PPP2R5D: variants seen among roughly 807,000 people sequenced by gnomAD.
PPP2R5D encodes protein phosphatase 2 regulatory subunit B'delta.
A neutral mutation model predicts 79.1 loss-of-function variants in PPP2R5D; 12 were observed. The observed-to-expected ratio is 0.15, with a 90% CI of 0.10 to 0.25. The LOEUF (loss-of-function observed/expected upper bound fraction) is 0.25. Among genes scored for constraint, PPP2R5D ranks in the 10% least tolerant of loss-of-function variants. PPP2R5D has a pLI of 1.00. For synonymous variants in PPP2R5D, 277 were observed against 286.6 expected, an observed-to-expected ratio of 0.97 and a Z score of 0.34; for missense variants, 419 against 760.2, an observed-to-expected ratio of 0.55 and a Z score of 5.28.
intron 2 of PPP2R5D, among the ~76,000 whole-genome samples, chr6:42,999,419 CCAGGGCAGCTCAGTGGGGTAGGGGG>C (rs1244076932): frequency 6.6e-6 from 1 of 152,180 alleles, no homozygotes; most frequent in African/African-American, 2.4e-5. Context: ...TCCTTATAAA[CCAGGGCAGCTCAGTGGGGTAGGGGG>C]CAGGGCAGAC....
intron 2 of PPP2R5D, among the ~76,000 whole-genome samples, chr6:43,004,468 C>G (rs147758542): frequency 6.6e-6 from 1 of 151,870 alleles, no homozygotes; most frequent in Non-Finnish European, 1.5e-5. Flanking sequence ...GAATGCAACT[C>G]TTAGCTCTTT....
chr6:42,989,659 A>C lies in PPP2R5D; in HGVS notation c.76A>C (p.Lys26Gln), dbSNP rs2150251166. The C allele has an allele frequency of 1.2e-6, 2 of 1,614,024 alleles. No individual in the cohort carries two copies. The highest frequency in any genetic ancestry group is 1.7e-6 in the Non-Finnish European group (2 of 1,179,920). Residue 26 changes from lysine (K) to glutamine (Q), a missense_variant, in exon 2 of 16, where the codon AAG becomes CAG. Lys to Gln is a moderately conservative substitution (Grantham distance 53, BLOSUM62 1). Transcript: ENST00000485511. ...CACAGCCAAGCCTAGCAGCTCGGGC[A>C]AGGATGGTGGAGGCGAGAACACTGA... ...KCTAKPSSSGKDGGGENTEEA... is the reference protein window; with the variant it reads ...KCTAKPSSSGQDGGGENTEEA...
intron 2 of PPP2R5D, among the ~76,000 whole-genome samples, chr6:43,004,618 CCATG>C (rs1761962189): frequency 7.0e-6 from 1 of 143,304 alleles, no homozygotes; most frequent in East Asian, 2.0e-4. Context: ...TGACTTTCTA[CCATG>C]GAAAATAAGT....
chr6:42,998,064 T>TA, intron 2 of PPP2R5D, among the ~76,000 whole-genome samples: 1 of 33,600 alleles, frequency 3.0e-5, no homozygotes, highest in Non-Finnish European at 5.6e-5. Context: ...TATATTTTTT[T>TA]TTTTTTTTTT....
chr6:42,998,067 T>A (rs1349338895), intron 2 of PPP2R5D, among the ~76,000 whole-genome samples: 7 of 43,440 alleles, frequency 1.6e-4, no homozygotes, highest in African/African-American at 2.0e-4. Context: ...ATTTTTTTTT[T>A]TTTTTTTTTT....
chr6:43,010,606 A>G lies in PPP2R5D; in HGVS notation c.1481+37A>G. On this transcript the variant is annotated intron_variant, in intron 13 of 15. Coordinates refer to ENST00000485511, the MANE Select transcript of PPP2R5D (RefSeq NM_006245.4). The surrounding 1 kb of genome is among the most constrained non-coding windows in gnomAD (Gnocchi z 4.7). ...TCTCCCCGGGAGACTTTCATCTTCT[A>G]CCACCAGCTCACTGTGTTTCTCTCA... 6.2e-7 allele frequency: 1 copy of G among 1,612,840 alleles called. No individual in the cohort carries two copies. The highest frequency in any genetic ancestry group is 8.5e-7 in the Non-Finnish European group (1 of 1,178,844).
chr6:43,007,519 G>A lies in PPP2R5D; in HGVS notation c.726+13G>A, dbSNP rs562472716. On this transcript the variant is annotated intron_variant, in intron 6 of 15. Transcript: ENST00000485511. The surrounding 1 kb of genome is among the most constrained non-coding windows in gnomAD (Gnocchi z 4.5). ...GTTTGTACTTGCTGTGAGTCCCCGAGTTCCTGTCCTTGCCCTCTCTTTCCA... is the reference window on the plus strand; with the variant it reads ...GTTTGTACTTGCTGTGAGTCCCCGAATTCCTGTCCTTGCCCTCTCTTTCCA... 5.7e-6 allele frequency: 9 copies of A among 1,588,184 alleles called. No individual in the cohort carries two copies. Among genetic ancestry groups the A allele is most frequent in the Non-Finnish European group, 7.8e-6 (9 of 1,156,620 alleles).
In PPP2R5D at chr6:43,006,955, C is replaced by T; in HGVS notation, c.367C>T (p.Arg123Cys). ...GGAGGAGCTGTTTATCCAGAAGCTA[C>T]GCCAGTGCTGTGTCCTCTTTGACTT... ...EREELFIQKL[R>C]QCCVLFDFVS... is the part of the protein sequence containing the mutation. Residue 123 changes from arginine to cysteine, a missense_variant, in exon 4 of 16, where the codon CGC becomes TGC. Physicochemically the swap from Arg to Cys is radical, Grantham distance 180 (BLOSUM62 -3). Around this residue, in one of 5 missense-constraint regions of PPP2R5D, gnomAD observed 29 missense variants for 64.2 expected, o/e 0.45. Transcript: ENST00000485511. This position sits in a 1 kb window ranked among gnomAD's most constrained non-coding sequence, Gnocchi z 4.7. 2 of 1,614,104 alleles carry T rather than the reference C, an allele frequency of 1.2e-6. No individual in the cohort carries two copies. The highest frequency in any genetic ancestry group is 8.5e-7 in the Non-Finnish European group (1 of 1,180,014).
chr6:43,009,272 G>A lies in PPP2R5D; in HGVS notation c.1251+45G>A. ...TATCCTAGCCCCTGCCAGAAACTGA[G>A]GTCTTGAGTGAAATGAGCAGCACCC... is the stretch of plus-strand genomic sequence containing the variant. On this transcript the variant is annotated intron_variant, in intron 11 of 15. Transcript: ENST00000485511. The surrounding 1 kb of genome is among the most constrained non-coding windows in gnomAD (Gnocchi z 5.6). The A allele has an allele frequency of 6.2e-7, 1 of 1,614,036 alleles. No homozygotes were observed. The highest frequency in any genetic ancestry group is 1.3e-5 in the African/African-American group (1 of 75,030).
chr6:42,987,310 C>T (rs1770924380), intron 1 of PPP2R5D, among the ~76,000 whole-genome samples: 2 of 152,176 alleles, frequency 1.3e-5, no homozygotes, highest in South Asian at 4.1e-4. Flanking sequence ...AAGATAATCT[C>T]TTGGAGGGAT....
chr6:42,997,146 C>T (rs1462489730), intron 2 of PPP2R5D, among the ~76,000 whole-genome samples: 1 of 151,936 alleles, frequency 6.6e-6, no homozygotes, highest in Admixed American at 6.6e-5. Flanking sequence ...CAGGCGCCCG[C>T]TACCACGCCC....
chr6:42,989,947 G>A (rs1771142239), intron 2 of PPP2R5D, among the ~76,000 whole-genome samples: 1 of 152,196 alleles, frequency 6.6e-6, no homozygotes, highest in South Asian at 2.1e-4. Context: ...TTGGAATGTT[G>A]AGAATTCCTT....
chr6:43,007,846 C>T lies in PPP2R5D; in HGVS notation c.727-89C>T. Reference sequence around the variant, plus strand: ...TGGCCCCCACTCCAGGGGACCTCTGCATTTCCCCTGGCGGGACCTATGTCA... The same window carrying T: ...TGGCCCCCACTCCAGGGGACCTCTGTATTTCCCCTGGCGGGACCTATGTCA... On this transcript the variant is annotated intron_variant, in intron 6 of 15. Transcript: ENST00000485511. This position sits in a 1 kb window ranked among gnomAD's most constrained non-coding sequence, Gnocchi z 4.5. 6.5e-7 allele frequency: 1 copy of T among 1,528,244 alleles called. No individual in the cohort carries two copies. The highest frequency in any genetic ancestry group is 9.0e-7 in the Non-Finnish European group (1 of 1,108,994). The allele number at this position is 1,528,244 out of a possible 1,614,324, so 94.7% of individuals were successfully genotyped here.
chr6:43,005,279 T>C (rs191413222), intron 2 of PPP2R5D, among the ~76,000 whole-genome samples: 34 of 152,242 alleles, frequency 2.2e-4, no homozygotes, highest in Non-Finnish European at 4.4e-5. Flanking sequence ...TTTACCTTTT[T>C]AAATTTGAAA....
intron 2 of PPP2R5D, among the ~76,000 whole-genome samples, chr6:42,997,052 G>A (rs1771748710): frequency 6.6e-6 from 1 of 151,976 alleles, no homozygotes; most frequent in Non-Finnish European, 1.5e-5. Flanking sequence ...TGTTGCCCAG[G>A]CTGGAGTGTC....
chr6:42,991,977 G>A (rs989665440), intron 2 of PPP2R5D, among the ~76,000 whole-genome samples: 2 of 152,164 alleles, frequency 1.3e-5, no homozygotes, highest in African/African-American at 2.4e-5. Flanking sequence ...ATGTACCCAC[G>A]TCTGGTATGG....
intron 2 of PPP2R5D, among the ~76,000 whole-genome samples, chr6:43,001,996 G>A (rs1411575221): frequency 2.0e-5 from 3 of 151,794 alleles, no homozygotes; most frequent in Non-Finnish European, 2.9e-5. Flanking sequence ...TTACGATAGT[G>A]CTATAAGGTA....
In PPP2R5D at chr6:43,011,165, A is replaced by C; in HGVS notation, c.1688A>C (p.Lys563Thr). ...CACACACAGATGCTAAAAGACATCA[A>C]GAAGGAGAAAGTGCTGCTGCGGAGG... ...TEAVQMLKDI[K>T]KEKVLLRRKS... The change falls in exon 16 of 16, where the codon AAG becomes ACG. Residue 563 changes from lysine (K) to threonine (T), a missense_variant. Coordinates refer to ENST00000485511, the MANE Select transcript of PPP2R5D (RefSeq NM_006245.4). 6.2e-7 allele frequency: 1 copy of C among 1,614,164 alleles called. No individual in the cohort carries two copies. The highest frequency in any genetic ancestry group is 1.1e-5 in the South Asian group (1 of 91,086).
intron 1 of PPP2R5D, among the ~76,000 whole-genome samples, chr6:42,986,218 A>G (rs1770833108): frequency 6.6e-6 from 1 of 151,884 alleles, no homozygotes; most frequent in Non-Finnish European, 1.5e-5. Context: ...GGTTCCTTTG[A>G]GGTACAGACT....
Sources: gnomAD v4.1 joint callset for allele counts (sites outside exome capture counted in the v4.1 genomes callset) on GRCh38, gnomAD v4.1.1 for gene constraint, gnomAD v4.1.1 regional missense constraint, Gnocchi (gnomAD v3.1) non-coding constraint, MANE v1.5 for transcripts, NCBI Gene and HGNC (gene_info 2026-07-23, HGNC 2026-07-21) for gene names.